The following MAP3K5 variants were observed in gnomAD, a reference collection of about 807,000 sequenced individuals.
MAP3K5 encodes the protein mitogen-activated protein kinase kinase kinase 5.
A neutral mutation model predicts 158.7 loss-of-function variants in MAP3K5; 56 were observed. That is an observed-to-expected ratio of 0.35 (90% CI 0.28 to 0.44). The LOEUF is 0.44. Among genes scored for constraint, MAP3K5 ranks in the 20% least tolerant of loss-of-function variants. The probability of loss-of-function intolerance (pLI) is 1.00; values close to 1 mark genes in which losing one functional copy is unlikely to be tolerated. For missense variants in MAP3K5, 1,294 were observed against 1,674.8 expected (o/e 0.77, Z 3.97); for synonymous variants, 579 against 601.7 (o/e 0.96, Z 0.55).
chr6:136,778,387 A>G (rs1055460068), intron 1 of MAP3K5, among the ~76,000 whole-genome samples: 1 of 152,216 alleles, frequency 6.6e-6, no homozygotes, highest in Admixed American at 6.5e-5. Flanking sequence ...GATCTACATT[A>G]TGAAGTCCTT....
chr6:136,626,210 G>A (rs1302163622), intron 14 of MAP3K5, among the ~76,000 whole-genome samples: 1 of 151,990 alleles, frequency 6.6e-6, no homozygotes, highest in Admixed American at 6.5e-5. Flanking sequence ...CTTATAGAAG[G>A]CAGTCGGGTG....
At chr6:136,768,872 C>T (rs1053438010) in intron 1 of MAP3K5, among the ~76,000 whole-genome samples, 1 of 151,092 alleles carries the variant, frequency 6.6e-6, no homozygotes, top group Admixed American at 6.6e-5. Flanking sequence ...AAGATCGTGC[C>T]ACTGCACTCC....
chr6:136,625,570 A>C (rs951309815), intron 14 of MAP3K5, among the ~76,000 whole-genome samples: 1 of 152,232 alleles, frequency 6.6e-6, no homozygotes, highest in African/African-American at 2.4e-5. Context: ...TTTCAACCAC[A>C]GCTGATCCTG....
At position 136,659,211 on chromosome 6, in the gene MAP3K5, A is replaced by G. The variant is rs1778899042; in HGVS notation, c.1526+8T>C. 1 of 1,611,292 alleles carries G rather than the reference A, an allele frequency of 6.2e-7. No homozygotes were observed. The highest frequency in any genetic ancestry group is 1.3e-5 in the African/African-American group (1 of 74,946). On this transcript the variant is annotated splice_region_variant and intron_variant, in intron 9 of 29. Coordinates refer to ENST00000359015, the MANE Select transcript of MAP3K5 (RefSeq NM_005923.4). ...TAATTGTATCAACATATAATAGCTA[A>G]TTATTACCATGCTGGTGTCTTCAGT...
At chr6:136,713,564 A>T (rs1448118936) in intron 2 of MAP3K5, among the ~76,000 whole-genome samples, 1 of 152,232 alleles carries the variant, frequency 6.6e-6, no homozygotes, top group Non-Finnish European at 1.5e-5. Flanking sequence ...TCAATTCAAG[A>T]TCTTCAGAGA....
chr6:136,565,327 C>T (rs1357459842), intron 26 of MAP3K5, among the ~76,000 whole-genome samples: 2 of 152,210 alleles, frequency 1.3e-5, no homozygotes, highest in Non-Finnish European at 2.9e-5. Flanking sequence ...GCCATGAGGT[C>T]AATTTTTAAC....
Position 136,720,458 on chromosome 6 carries a change from A to T in MAP3K5, c.580T>A (p.Ser194Thr). Residue 194 changes from serine to threonine, a missense_variant, in exon 2 of 30, where the codon TCA becomes ACA. Around this residue, in one of 5 missense-constraint regions of MAP3K5, gnomAD observed 690 missense variants for 870.5 expected, o/e 0.79. Coordinates refer to ENST00000359015, the MANE Select transcript of MAP3K5 (RefSeq NM_005923.4). ...YCDTNSDSLQ[S>T]LKEIICQKNT... ...GTAAACAAGGGAGGTACCTTCAGTG[A>T]CTGCAGAGAGTCCGAGTTAGTATCA... The T allele has an allele frequency of 6.3e-7, 1 of 1,598,692 alleles. No homozygotes were observed. The highest frequency in any genetic ancestry group is 1.3e-5 in the African/African-American group (1 of 74,272).
At chr6:136,562,322 T>A (rs946510200) in intron 27 of MAP3K5, among the ~76,000 whole-genome samples, 181 bp downstream of exon 27, 4 of 152,146 alleles carry the variant, frequency 2.6e-5, no homozygotes, top group African/African-American at 9.6e-5. Context: ...ACTGCACTTA[T>A]AAGAAATGAG....
intron 1 of MAP3K5, among the ~76,000 whole-genome samples, chr6:136,745,368 T>C (rs888435080): frequency 2.6e-5 from 4 of 152,142 alleles, no homozygotes; most frequent in East Asian, 1.9e-4. Context: ...AACACACGAA[T>C]ACACTTTTTG....
chr6:136,763,510 T>C (rs1783839825), intron 1 of MAP3K5, among the ~76,000 whole-genome samples: 1 of 152,228 alleles, frequency 6.6e-6, no homozygotes, highest in Non-Finnish European at 1.5e-5. Context: ...CCACCCTATC[T>C]ATAGAAACTG....
At chr6:136,707,005 G>A (rs1781103059) in intron 2 of MAP3K5, among the ~76,000 whole-genome samples, 1 of 152,064 alleles carries the variant, frequency 6.6e-6, no homozygotes. Context: ...AAAATTAGCT[G>A]GGTGTCGTGG....
intron 2 of MAP3K5, among the ~76,000 whole-genome samples, chr6:136,705,908 A>T (rs1781056283): frequency 6.6e-6 from 1 of 152,184 alleles, no homozygotes; most frequent in Non-Finnish European, 1.5e-5. Context: ...CACACAGATA[A>T]TCAAGACATC....
chr6:136,737,829 T>A (rs2114860543), intron 1 of MAP3K5, among the ~76,000 whole-genome samples: 1 of 152,210 alleles, frequency 6.6e-6, no homozygotes, highest in African/African-American at 2.4e-5. Context: ...TAGATGTAAA[T>A]GTTCTTTGGG....
intron 23 of MAP3K5, among the ~76,000 whole-genome samples, chr6:136,587,012 TC>T (rs1215528087): frequency 6.6e-6 from 1 of 152,142 alleles, no homozygotes; most frequent in Non-Finnish European, 1.5e-5. Flanking sequence ...CTTAATAAAC[TC>T]CCCTTTACAT....
At chr6:136,634,307 C>T (rs779700664) in intron 14 of MAP3K5, among the ~76,000 whole-genome samples, 7 of 152,292 alleles carry the variant, frequency 4.6e-5, no homozygotes, top group South Asian at 4.1e-4. Flanking sequence ...GGGACAACCA[C>T]GATGGATTTC....
At chr6:136,705,272 C>T (rs1489627176) in intron 2 of MAP3K5, 139 bp from the exon 3 acceptor site, 6 of 450,622 alleles carry the variant, frequency 1.3e-5, no homozygotes, top group Non-Finnish European at 2.4e-5. Context: ...GATTCAGTTC[C>T]TGCATCTGAA....
intron 8 of MAP3K5, among the ~76,000 whole-genome samples, chr6:136,663,323 T>G (rs1779087310): frequency 6.6e-6 from 1 of 152,234 alleles, no homozygotes; most frequent in Admixed American, 6.5e-5. Context: ...ATTTTGCTAT[T>G]GCTTCATCTC....
chr6:136,705,159 C>G, intron 2 of MAP3K5, 26 bp from the exon 3 acceptor site: 2 of 1,092,786 alleles, frequency 1.8e-6, no homozygotes, highest in Non-Finnish European at 2.6e-6. Context: ...AAAAATATAC[C>G]ACAAGTTAAT....
rs141136422 is a variant in MAP3K5, at chr6:136,791,820, A to C, written c.338T>G (p.Leu113Arg). The C allele has an allele frequency of 6.5e-4, 1,053 of 1,613,802 alleles. 10 individuals carry two copies. The highest frequency in any genetic ancestry group is 4.7e-5 in the Non-Finnish European group (55 of 1,180,016). Residue 113 changes from leucine to arginine, a missense_variant, in exon 1 of 30, where the codon CTG (leucine) becomes CGG (arginine). Coordinates refer to ENST00000359015, the MANE Select transcript of MAP3K5 (RefSeq NM_005923.4). The part of the protein sequence containing the change: ...GQLVVAESEA[L>R]QSLREACETV... ...CTCGCACGCCTCCCGCAAGCTCTGCAGGGCCTCGCTCTCGGCCACCACCAG... is the reference window on the plus strand; with the variant it reads ...CTCGCACGCCTCCCGCAAGCTCTGCCGGGCCTCGCTCTCGGCCACCACCAG...
Sources: gnomAD v4.1 joint callset for allele counts (sites outside exome capture counted in the v4.1 genomes callset) on GRCh38, gnomAD v4.1.1 for gene constraint, gnomAD v4.1.1 regional missense constraint, MANE v1.5 for transcripts, NCBI Gene and HGNC (gene_info 2026-07-23, HGNC 2026-07-21) for gene names.